GPHN: variants seen among roughly 807,000 people sequenced by gnomAD.
GPHN encodes the protein gephyrin.
A neutral mutation model predicts 95.5 loss-of-function variants in GPHN; 17 were observed. That is an observed-to-expected ratio of 0.18 (90% CI 0.12 to 0.27). The LOEUF (loss-of-function observed/expected upper bound fraction) is 0.27. Among genes scored for constraint, GPHN ranks in the 10% least tolerant of loss-of-function variants. GPHN has a pLI of 1.00. For synonymous variants in GPHN, 320 were observed against 322.5 expected (o/e 0.99, Z 0.08); for missense variants, 660 against 978.1 (o/e 0.67, Z 4.34).
At chr14:67,631,004 T>A in the GPHN span, among the ~76,000 whole-genome samples, 19,089 of 152,238 alleles carry the variant, frequency 0.13, 1,224 homozygotes, top group Admixed American at 0.14. Flanking sequence ...GCCCTCTCCC[T>A]ATGCTCTAGA....
At chr14:67,458,556 A>G in the GPHN span, among the ~76,000 whole-genome samples, 5 of 152,188 alleles carry the variant, frequency 3.3e-5, no homozygotes, top group Admixed American at 3.3e-4. Context: ...TGTGAATCCC[A>G]TAAAGTATTA....
At chr14:66,545,832 T>G (rs1475101263) in intron 1 of GPHN, among the ~76,000 whole-genome samples, 1 of 146,762 alleles carries the variant, frequency 6.8e-6, no homozygotes, top group Non-Finnish European at 1.5e-5. Context: ...TCCCCTCTCC[T>G]CCCGGACGGG....
the GPHN span, among the ~76,000 whole-genome samples, chr14:67,268,879 G>A: frequency 1.3e-5 from 2 of 152,128 alleles, no homozygotes; most frequent in Non-Finnish European, 2.9e-5. Flanking sequence ...ATTCAAGATG[G>A]AGTTGTTCTG....
the GPHN span, among the ~76,000 whole-genome samples, chr14:67,213,688 G>C: frequency 6.6e-6 from 1 of 152,084 alleles, no homozygotes; most frequent in African/African-American, 2.4e-5. Flanking sequence ...CCAGTAATGG[G>C]ATGGCTGGGT....
chr14:66,675,440 G>A (rs925280434), intron 1 of GPHN, among the ~76,000 whole-genome samples: 3 of 152,008 alleles, frequency 2.0e-5, no homozygotes, highest in Non-Finnish European at 2.9e-5. Context: ...CACCGCTCCC[G>A]GCCCCTTTTT....
intron 8 of GPHN, among the ~76,000 whole-genome samples, chr14:66,937,670 C>T (rs761075997): frequency 1.4e-4 from 22 of 152,166 alleles, no homozygotes; most frequent in Non-Finnish European, 2.1e-4. Flanking sequence ...AGCCACCGCA[C>T]CTGGCCGCAA....
At chr14:67,313,316 A>G in the GPHN span, among the ~76,000 whole-genome samples, 2 of 152,216 alleles carry the variant, frequency 1.3e-5, no homozygotes, top group African/African-American at 4.8e-5. Flanking sequence ...AAGTTCTGAG[A>G]AATGTGCCAT....
At chr14:67,515,025 C>T in the GPHN span, 2 of 152,540 alleles carry the variant, frequency 1.3e-5, no homozygotes, top group Admixed American at 1.3e-4. Flanking sequence ...AGCTGCCGGC[C>T]CCTCGCGGCC....
At position 66,583,329 on chromosome 14, in the gene GPHN, G is replaced by T. The variant is rs572102453; in HGVS notation, c.64+74738G>T. ...GGTTGCAAAAATTTTCTCCCAATCT[G>T]TAGGTTGCCTGTTCACTCTGATGGT... On this transcript the variant is annotated intron_variant, in intron 1 of 22. Coordinates refer to ENST00000478722, the MANE Select transcript of GPHN (RefSeq NM_020806.5). Among the ~76,000 whole-genome samples, 545 of 152,232 alleles carry T rather than the reference G, an allele frequency of 3.6e-3. 12 individuals are homozygous for T. Among genetic ancestry groups the T allele is most frequent in the African/African-American group, 0.013 (520 of 41,534 alleles).
chr14:67,686,060 T>C, the GPHN span: 7 of 152,202 alleles, frequency 4.6e-5, no homozygotes, highest in African/African-American at 1.7e-4. Flanking sequence ...CCAGACTCCC[T>C]CTCCATAATT....
At chr14:67,340,495 T>A in the GPHN span, 4 of 1,612,738 alleles carry the variant, frequency 2.5e-6, no homozygotes, top group Non-Finnish European at 3.4e-6. Context: ...TAAGCAAGAG[T>A]ACGTTCAATC....
the GPHN span, chr14:67,727,674 C>A: frequency 2.2e-4 from 45 of 208,152 alleles, no homozygotes; most frequent in East Asian, 6.1e-3. Context: ...AAGAGACGAG[C>A]TTTCACCATG....
chr14:66,996,239 CT>C, intron 9 of GPHN: 1 of 1,436,312 alleles, frequency 7.0e-7, no homozygotes, highest in Non-Finnish European at 9.5e-7. Flanking sequence ...CACGTGTTTT[CT>C]TACATGGTCA....
chr14:66,967,000 C>A (rs945484479), intron 9 of GPHN, among the ~76,000 whole-genome samples: 2 of 151,792 alleles, frequency 1.3e-5, no homozygotes, highest in Non-Finnish European at 3.0e-5. Flanking sequence ...TTGCTTATTG[C>A]AGAACTTTAG....
the GPHN span, chr14:67,678,064 A>T: frequency 2.7e-6 from 1 of 370,876 alleles, no homozygotes; most frequent in East Asian, 5.5e-5. Context: ...TGTGCAGGTC[A>T]TATGAGGGTC....
intron 17 of GPHN, among the ~76,000 whole-genome samples, chr14:67,131,098 A>G (rs1271097552): frequency 6.6e-6 from 1 of 152,040 alleles, no homozygotes; most frequent in Admixed American, 6.5e-5. Flanking sequence ...AGAAATGTAG[A>G]TGGGTAAATA....
At chr14:66,904,887 T>G (rs1463042000) in intron 5 of GPHN, among the ~76,000 whole-genome samples, 1 of 152,182 alleles carries the variant, frequency 6.6e-6, no homozygotes, top group African/African-American at 2.4e-5. Flanking sequence ...GATTATTGTA[T>G]GCCTTGGAGT....
chr14:67,385,584 G>A, the GPHN span: 2 of 151,540 alleles, frequency 1.3e-5, no homozygotes, highest in East Asian at 3.9e-4. Flanking sequence ...GATAGTTTGG[G>A]TCTCATTTAT....
intron 1 of GPHN, among the ~76,000 whole-genome samples, chr14:66,548,574 T>TTCCCCATCTCTCTCGCTGTC (rs937496136): frequency 2.0e-5 from 3 of 152,188 alleles, no homozygotes; most frequent in Admixed American, 2.0e-4. Context: ...GACGAGCAGT[T>TTCCCCATCTCTCTCGCTGTC]TCCCCATCTC....
Sources: gnomAD v4.1 joint callset for allele counts (sites outside exome capture counted in the v4.1 genomes callset) on GRCh38, gnomAD v4.1.1 for gene constraint, MANE v1.5 for transcripts, NCBI Gene and HGNC (gene_info 2026-07-23, HGNC 2026-07-21) for gene names.